L3HYPDH: variants seen among roughly 807,000 people sequenced by gnomAD.
L3HYPDH encodes the protein trans-L-3-hydroxyproline dehydratase.
L3HYPDH carries 32 observed loss-of-function variants against 26.5 expected under a neutral mutation model. The ratio of observed to expected loss-of-function variants is 1.21; its 90% CI spans 0.91 to 1.62. The LOEUF is 1.62. L3HYPDH is among the 40% of genes most tolerant of loss of function. The pLI is 0.00. For synonymous variants in L3HYPDH, 215 were observed against 196.6 expected (o/e 1.09, Z -0.78); for missense variants, 554 against 476.4 (o/e 1.16, Z -1.52).
At chr14:59,484,731 G>C, upstream of L3HYPDH, 3 of 1,159,618 alleles carry the variant, frequency 2.6e-6, no homozygotes, top group South Asian at 2.7e-5. Context: ...GCCCGCCCTC[G>C]GGCCGGGCTC....
intron 2 of L3HYPDH, 51 bp from the exon 3 acceptor site, chr14:59,476,265 T>C: frequency 2.9e-6 from 4 of 1,369,706 alleles, no homozygotes; most frequent in Non-Finnish European, 4.0e-6. Context: ...TTGATTCAAA[T>C]TTATAAATAA....
chr14:59,493,551 G>A, the L3HYPDH span, among the ~76,000 whole-genome samples: 1 of 152,314 alleles, frequency 6.6e-6, no homozygotes, highest in East Asian at 1.9e-4. Context: ...CAGTGTTCAA[G>A]TAGAAAACTC....
downstream of L3HYPDH, among the ~76,000 whole-genome samples, chr14:59,469,527 G>T (rs534658276): frequency 8.0e-6 from 1 of 125,586 alleles, no homozygotes; most frequent in Non-Finnish European, 1.6e-5. Context: ...CTGCACTCTC[G>T]CCCTGGCGAC....
intron 1 of L3HYPDH, among the ~76,000 whole-genome samples, chr14:59,467,097 A>T (rs1889208241): frequency 6.6e-6 from 1 of 152,220 alleles, no homozygotes; most frequent in Non-Finnish European, 1.5e-5. Flanking sequence ...AATAAGCTTA[A>T]GCCACCGGCC....
At chr14:59,491,862 G>C in the L3HYPDH span, among the ~76,000 whole-genome samples, 12 of 152,222 alleles carry the variant, frequency 7.9e-5, no homozygotes, top group African/African-American at 2.9e-4. Context: ...GGTAGCCTCT[G>C]CTAAGACTAG....
the L3HYPDH span, among the ~76,000 whole-genome samples, chr14:59,497,614 G>C: frequency 6.6e-6 from 1 of 152,130 alleles, no homozygotes; most frequent in Non-Finnish European, 1.5e-5. Flanking sequence ...ACACATAATG[G>C]TTTCCTCTTG....
At chr14:59,480,108 CT>C (rs1175830547) in intron 1 of L3HYPDH, among the ~76,000 whole-genome samples, 1 of 152,120 alleles carries the variant, frequency 6.6e-6, no homozygotes, top group Non-Finnish European at 1.5e-5. Context: ...TGATCACTGC[CT>C]TTTAGGGAAG....
At chr14:59,501,116 C>G in the L3HYPDH span, 2 of 928,320 alleles carry the variant, frequency 2.2e-6, no homozygotes, top group Admixed American at 2.2e-5. Context: ...AGGAAAATTA[C>G]TATTTGAATT....
At chr14:59,500,169 G>A in the L3HYPDH span, among the ~76,000 whole-genome samples, 2 of 152,124 alleles carry the variant, frequency 1.3e-5, no homozygotes, top group Non-Finnish European at 1.5e-5. Context: ...TTGAAAAGTT[G>A]ATTGAGGACC....
At chr14:59,502,160 ATTATAT>A in the L3HYPDH span, among the ~76,000 whole-genome samples, 2 of 152,146 alleles carry the variant, frequency 1.3e-5, no homozygotes, top group African/African-American at 4.8e-5. Context: ...TTCTAAAATA[ATTATAT>A]TTATTATTGT....
At chr14:59,468,008 C>T (rs142903440), downstream of L3HYPDH, among the ~76,000 whole-genome samples, 1 of 152,336 alleles carries the variant, frequency 6.6e-6, no homozygotes, top group Non-Finnish European at 1.5e-5. Flanking sequence ...GTTGTCCTAA[C>T]CGGTCTTCCC....
At chr14:59,480,241 A>C (rs1889921723) in intron 1 of L3HYPDH, among the ~76,000 whole-genome samples, 1 of 152,210 alleles carries the variant, frequency 6.6e-6, no homozygotes, top group South Asian at 2.1e-4. Context: ...TCCTAGAGAT[A>C]AATTTTTTCT....
At chr14:59,495,014 C>T in the L3HYPDH span, 6 of 1,610,480 alleles carry the variant, frequency 3.7e-6, no homozygotes, top group Non-Finnish European at 5.1e-6. Context: ...TTTTCCTTCT[C>T]TAGTTCCAGC....
chr14:59,472,323 T>A (rs1013745511), downstream of L3HYPDH, among the ~76,000 whole-genome samples: 3 of 152,224 alleles, frequency 2.0e-5, no homozygotes, highest in East Asian at 3.8e-4. Flanking sequence ...CAACCCCTTT[T>A]ATAAAAGCCC....
intron 1 of L3HYPDH, among the ~76,000 whole-genome samples, chr14:59,466,587 G>A (rs1889185970): frequency 6.6e-6 from 1 of 152,140 alleles, no homozygotes; most frequent in Admixed American, 6.5e-5. Flanking sequence ...CAGTGATTCT[G>A]ATGCACAAAT....
At chr14:59,469,584 AAAAG>A (rs1889264764), downstream of L3HYPDH, among the ~76,000 whole-genome samples, 1 of 113,630 alleles carries the variant, frequency 8.8e-6, no homozygotes, top group African/African-American at 3.0e-5. Context: ...AAAAAAAAAA[AAAAG>A]GTTGGGGGGT....
intron 4 of L3HYPDH, chr14:59,474,517 A>C (rs1248944353): frequency 2.9e-6 from 2 of 700,412 alleles, no homozygotes; most frequent in Non-Finnish European, 5.2e-6. Context: ...GATTCTTCTC[A>C]TAACAGCTCC....
chr14:59,470,185 G>A (rs1889277748), downstream of L3HYPDH, among the ~76,000 whole-genome samples: 1 of 152,134 alleles, frequency 6.6e-6, no homozygotes, highest in African/African-American at 2.4e-5. Flanking sequence ...AGAGCTTAGA[G>A]GAGAAGTTGC....
upstream of L3HYPDH, chr14:59,485,042 A>T (rs750974785): frequency 6.3e-7 from 1 of 1,598,190 alleles, no homozygotes; most frequent in African/African-American, 1.3e-5. Flanking sequence ...ATGGAATCTT[A>T]AAACTTTAGC....
Sources: allele counts gnomAD v4.1 joint callset (sites outside exome capture counted in the v4.1 genomes callset), GRCh38; gene constraint gnomAD v4.1.1; transcripts MANE v1.5; gene names NCBI Gene and HGNC (gene_info 2026-07-23, HGNC 2026-07-21).